MGST1: variants seen among roughly 807,000 people sequenced by gnomAD.
MGST1 encodes glutathione S-transferase 12.
In MGST1, 5 loss-of-function variants were observed where a neutral mutation model predicts 8.9. That is an observed-to-expected ratio of 0.56 (90% confidence interval 0.29 to 1.19). The LOEUF (loss-of-function observed/expected upper bound fraction) is 1.19, where lower values mean the gene tolerates loss of function less well. Ranked by LOEUF, MGST1 falls within the 50% of genes most tolerant of loss-of-function variation. MGST1 has a pLI of 0.08. For missense variants in MGST1, 182 were observed against 187.4 expected (o/e 0.97, Z 0.17); for synonymous variants, 54 against 67.8 (o/e 0.80, Z 1.00).
upstream of MGST1, among the ~76,000 whole-genome samples, chr12:16,382,647 C>A (rs184936856): frequency 1.3e-5 from 2 of 152,300 alleles, no homozygotes; most frequent in African/African-American, 4.8e-5. Context: ...GCTGGGAGAA[C>A]CACTACTCTC....
intron 1 of MGST1, chr12:16,402,093 T>C (rs1419558759): frequency 5.8e-6 from 9 of 1,539,638 alleles, no homozygotes; most frequent in Non-Finnish European, 8.1e-6. Context: ...ACTTTCATTC[T>C]TTTCTCATAT....
At chr12:16,494,550 T>C (rs1261929943) in intron 4 of MGST1, among the ~76,000 whole-genome samples, 5 of 152,254 alleles carry the variant, frequency 3.3e-5, no homozygotes, top group East Asian at 1.9e-4. Flanking sequence ...ATTGACAAAA[T>C]GTTTAATTAA....
chr12:16,501,098 G>GAAAAAA (rs71054822), intron 4 of MGST1, among the ~76,000 whole-genome samples: 1 of 83,818 alleles, frequency 1.2e-5, no homozygotes, highest in Non-Finnish European at 2.2e-5. Context: ...ACTCTGTCTC[G>GAAAAAA]AAAAAAAAAA....
chr12:16,492,279 T>C (rs1387223588), intron 4 of MGST1, among the ~76,000 whole-genome samples: 1 of 152,160 alleles, frequency 6.6e-6, no homozygotes, highest in African/African-American at 2.4e-5. Flanking sequence ...GACAGCACTT[T>C]AGGGTAGCAT....
chr12:16,554,302 C>T (rs1225733177), intron 4 of MGST1, among the ~76,000 whole-genome samples: 4 of 152,150 alleles, frequency 2.6e-5, no homozygotes, highest in Non-Finnish European at 5.9e-5. Context: ...TTAGCCTAGC[C>T]ATCTTCTTTC....
intron 1 of MGST1, among the ~76,000 whole-genome samples, chr12:16,417,944 C>A (rs974262261): frequency 3.3e-5 from 5 of 152,136 alleles, no homozygotes; most frequent in African/African-American, 1.2e-4. Context: ...TTCTTAATTA[C>A]TTAATTAAAT....
At chr12:16,542,220 C>G (rs1473066242) in intron 4 of MGST1, among the ~76,000 whole-genome samples, 1 of 151,924 alleles carries the variant, frequency 6.6e-6, no homozygotes, top group Non-Finnish European at 1.5e-5. Flanking sequence ...TTCCTGGATG[C>G]AAGAAAAAAA....
At chr12:16,380,896 A>G (rs552498351), downstream of MGST1, among the ~76,000 whole-genome samples, 120 of 152,264 alleles carry the variant, frequency 7.9e-4, no homozygotes, top group African/African-American at 2.5e-3. Context: ...ACCATTATGT[A>G]GTGGCCTTCT....
chr12:16,485,833 G>A (rs1383722249), intron 4 of MGST1, among the ~76,000 whole-genome samples: 2 of 152,064 alleles, frequency 1.3e-5, no homozygotes, highest in Non-Finnish European at 2.9e-5. Context: ...TTTGTACTAA[G>A]CATTCAATTC....
chr12:16,531,991 C>T (rs1591753548), intron 4 of MGST1, among the ~76,000 whole-genome samples: 1 of 152,108 alleles, frequency 6.6e-6, no homozygotes, highest in Admixed American at 6.6e-5. Context: ...CAGCCCTTGG[C>T]ATCTCCTATG....
chr12:16,484,697 T>C (rs577611924), intron 4 of MGST1, among the ~76,000 whole-genome samples: 3 of 151,878 alleles, frequency 2.0e-5, no homozygotes, highest in South Asian at 2.1e-4. Flanking sequence ...GAGAACTTAG[T>C]GTCATGAGAA....
At chr12:16,424,931 A>G (rs1344657984) in intron 1 of MGST1, among the ~76,000 whole-genome samples, 1 of 152,158 alleles carries the variant, frequency 6.6e-6, no homozygotes, top group Non-Finnish European at 1.5e-5. Context: ...TTCTTCACCT[A>G]TGCACATGCC....
At chr12:16,359,027 A>G (rs1376649712) in intron 3 of MGST1, among the ~76,000 whole-genome samples, 1 of 152,000 alleles carries the variant, frequency 6.6e-6, no homozygotes, top group Non-Finnish European at 1.5e-5. Context: ...GCAATTGGTT[A>G]TGCTGGATGT....
Position 16,413,112 on chromosome 12 carries a change from A to G in MGST1, n.779-24276A>G, listed in dbSNP as rs1940756840. 6.6e-6 allele frequency among the ~76,000 whole-genome samples: 1 copy of G among 152,096 alleles called. No individual in the cohort carries two copies. The highest frequency in any genetic ancestry group is 1.9e-4 in the East Asian group (1 of 5,176). ...GGTGAGTTGTGTGGCTACTCAATGA[A>G]CATCACTTTAAAAGAAAGGAAGGAG... is the stretch of plus-strand genomic sequence containing the variant. On this transcript the variant is annotated intron_variant and non_coding_transcript_variant, in intron 1 of 1. Coordinates refer to the MGST1 transcript ENST00000359720. The surrounding 1 kb of genome is among the most constrained non-coding windows in gnomAD (Gnocchi z 4.0).
chr12:16,365,872 T>C (rs1482268282), downstream of MGST1, among the ~76,000 whole-genome samples: 1 of 152,218 alleles, frequency 6.6e-6, no homozygotes, highest in South Asian at 2.1e-4. Context: ...TGTGGAGCAA[T>C]TTGAAAAAAG....
intron 4 of MGST1, among the ~76,000 whole-genome samples, chr12:16,461,354 T>G (rs1420306576): frequency 6.6e-6 from 1 of 152,126 alleles, no homozygotes; most frequent in African/African-American, 2.4e-5. Context: ...TCTATATTAC[T>G]TAACTTCTAG....
intron 1 of MGST1, among the ~76,000 whole-genome samples, chr12:16,435,732 T>A (rs1281160684): frequency 6.6e-6 from 1 of 151,198 alleles, no homozygotes; most frequent in Non-Finnish European, 1.5e-5. Context: ...ACTTCTAAGA[T>A]TAATAAGTAA....
chr12:16,407,298 A>G (rs989581468), intron 1 of MGST1, among the ~76,000 whole-genome samples: 8 of 152,224 alleles, frequency 5.3e-5, no homozygotes, highest in Admixed American at 3.9e-4. Flanking sequence ...GGGGCCAACA[A>G]GCATATGAAG....
In MGST1 at chr12:16,537,567, CT is replaced by C. The variant is rs1321771568; in HGVS notation, n.483-51957del. 1.3e-5 allele frequency among the ~76,000 whole-genome samples: 2 copies of C among 152,250 alleles called. No individual in the cohort carries two copies. Among genetic ancestry groups the C allele is most frequent in the African/African-American group, 4.8e-5 (2 of 41,462 alleles). The stretch of plus-strand genomic sequence containing the variant: ...ATGAGGGCCCTGCCTCTGCAGCACA[CT>C]TTTGCCTGGACATTCAGGCATTTCC... On this transcript the variant is annotated intron_variant and non_coding_transcript_variant, in intron 4 of 4. Transcript: ENST00000538857. This position sits in a 1 kb window ranked among gnomAD's most constrained non-coding sequence, Gnocchi z 4.6.
Sources: gnomAD v4.1 joint callset for allele counts (sites outside exome capture counted in the v4.1 genomes callset) on GRCh38, gnomAD v4.1.1 for gene constraint, Gnocchi (gnomAD v3.1) non-coding constraint, MANE v1.5 for transcripts, NCBI Gene and HGNC (gene_info 2026-07-23, HGNC 2026-07-21) for gene names.